Variants in RAB3GAP2 observed in about 807,000 individuals in gnomAD.
The protein encoded by RAB3GAP2 is RAB3 GTPase activating non-catalytic protein subunit 2, also known as rab3 GTPase-activating protein non-catalytic subunit.
RAB3GAP2 carries 87 observed loss-of-function variants against 185.3 expected under a neutral mutation model. The observed-to-expected ratio is 0.47, with a 90% CI of 0.39 to 0.56. The LOEUF (loss-of-function observed/expected upper bound fraction) is 0.56. RAB3GAP2 is among the 20% of genes least tolerant of loss of function. RAB3GAP2 has a pLI of 0.00. For synonymous variants in RAB3GAP2, 554 were observed against 576.1 expected (o/e 0.96, Z 0.55); for missense variants, 1,492 against 1,638.2 (o/e 0.91, Z 1.54).
At chr1:220,161,980 G>A (rs1273507740) in intron 28 of RAB3GAP2, among the ~76,000 whole-genome samples, 1 of 152,186 alleles carries the variant, frequency 6.6e-6, no homozygotes, top group Non-Finnish European at 1.5e-5. Flanking sequence ...CTTTAGTTAA[G>A]AGGCTTTTAT....
At chr1:220,254,021 T>C (rs1659987946) in intron 1 of RAB3GAP2, 1 of 1,613,940 alleles carries the variant, frequency 6.2e-7, no homozygotes, top group South Asian at 1.1e-5. Flanking sequence ...GAAACATTCA[T>C]GAACAGAGTT....
At position 220,213,960 on chromosome 1, in the gene RAB3GAP2, C is replaced by T; in HGVS notation, c.200G>A (p.Cys67Tyr). The change falls in exon 3 of 35, where the codon TGC (cysteine) becomes TAC (tyrosine). Residue 67 changes from cysteine (C) to tyrosine (Y), a missense_variant. Physicochemically the swap from Cys to Tyr is radical, Grantham distance 194 (BLOSUM62 -2). Around this residue, in one of 5 missense-constraint regions of RAB3GAP2, gnomAD observed 177 missense variants for 160.6 expected, o/e 1.10. Coordinates refer to ENST00000358951, the MANE Select transcript of RAB3GAP2 (RefSeq NM_012414.4). ...GAGCCAGGAAGTTTTTTGTGTTTTG[C>T]AAGTATTTCCTTCTTCTTCCTGTGG... ...PQEPEEEGNT[C>Y]KTQKTSWLQD... The T allele has an allele frequency of 6.2e-7, 1 of 1,613,190 alleles. No individual in the cohort carries two copies. The highest frequency in any genetic ancestry group is 1.1e-5 in the South Asian group (1 of 91,036).
At chr1:220,167,887 A>G (rs1448944911) in intron 24 of RAB3GAP2, among the ~76,000 whole-genome samples, 1 of 152,228 alleles carries the variant, frequency 6.6e-6, no homozygotes, top group Non-Finnish European at 1.5e-5. Flanking sequence ...ATGTCAGGGC[A>G]TCCTTATACT....
intron 1 of RAB3GAP2, among the ~76,000 whole-genome samples, chr1:220,249,684 C>G (rs557870044): frequency 6.6e-6 from 1 of 152,248 alleles, no homozygotes; most frequent in Admixed American, 6.5e-5. Flanking sequence ...GGCCCGGAGG[C>G]CTAGGAGGAA....
At chr1:220,214,008 T>C (rs771551322) in intron 2 of RAB3GAP2, 29 bp from the exon 3 acceptor site, 5 of 1,610,886 alleles carry the variant, frequency 3.1e-6, no homozygotes, top group Non-Finnish European at 3.4e-6. Context: ...TTACTGCATA[T>C]GCAAAAATAC....
intron 17 of RAB3GAP2, among the ~76,000 whole-genome samples, chr1:220,186,734 A>G (rs999072502): frequency 2.6e-5 from 4 of 152,186 alleles, no homozygotes; most frequent in African/African-American, 9.7e-5. Context: ...TATAAAATTC[A>G]CAGCTTCATA....
intron 1 of RAB3GAP2, among the ~76,000 whole-genome samples, chr1:220,244,186 C>G (rs1659755132): frequency 6.6e-6 from 1 of 152,202 alleles, no homozygotes. Context: ...GCCCCTGGAT[C>G]TGATAAGTGA....
intron 1 of RAB3GAP2, among the ~76,000 whole-genome samples, chr1:220,268,598 A>C (rs539346734): frequency 2.0e-5 from 3 of 152,348 alleles, no homozygotes; most frequent in African/African-American, 7.2e-5. Flanking sequence ...AAACCATCAT[A>C]AGTCTGAGAT....
At chr1:220,247,802 A>G (rs577474759) in intron 1 of RAB3GAP2, among the ~76,000 whole-genome samples, 39 of 152,356 alleles carry the variant, frequency 2.6e-4, no homozygotes, top group African/African-American at 8.2e-4. Flanking sequence ...CAATAGAGCA[A>G]AACAGCAATC....
At chr1:220,153,834 G>A in intron 32 of RAB3GAP2, 134 bp downstream of exon 32, 1 of 1,202,306 alleles carries the variant, frequency 8.3e-7, no homozygotes, top group Non-Finnish European at 1.1e-6. Flanking sequence ...TCCCACCTAT[G>A]AGTGAGAACA....
intron 1 of RAB3GAP2, among the ~76,000 whole-genome samples, chr1:220,248,342 G>A (rs1659857828): frequency 6.6e-6 from 1 of 152,036 alleles, no homozygotes; most frequent in African/African-American, 2.4e-5. Flanking sequence ...ATTAGCTAAG[G>A]GAGTAGATCT....
intron 6 of RAB3GAP2, 106 bp downstream of exon 6, chr1:220,210,695 C>T (rs752164363): frequency 3.2e-6 from 4 of 1,246,944 alleles, no homozygotes; most frequent in Non-Finnish European, 4.6e-6. Context: ...GAATCAACTA[C>T]ACATTTTCAG....
At chr1:220,240,119 CT>C (rs1465507436) in intron 1 of RAB3GAP2, among the ~76,000 whole-genome samples, 2 of 151,936 alleles carry the variant, frequency 1.3e-5, no homozygotes, top group Admixed American at 1.3e-4. Context: ...ATATTGCTTA[CT>C]GGAGAAATCT....
chr1:220,152,907 T>C (rs537543941), intron 33 of RAB3GAP2, among the ~76,000 whole-genome samples: 3 of 152,194 alleles, frequency 2.0e-5, no homozygotes, highest in Admixed American at 1.3e-4. Flanking sequence ...TTAGCATGCT[T>C]TTCTGCTCCT....
At chr1:220,190,867 C>T (rs1658603139) in intron 14 of RAB3GAP2, among the ~76,000 whole-genome samples, 1 of 152,078 alleles carries the variant, frequency 6.6e-6, no homozygotes, top group African/African-American at 2.4e-5. Flanking sequence ...ATTCAGCAGT[C>T]TATCATGGCA....
rs958442591 is a variant in RAB3GAP2 at position 220,167,800 on chromosome 1, C to G, written c.2807-125G>C. 2.9e-6 allele frequency: 3 copies of G among 1,023,436 alleles called. No individual in the cohort carries two copies. The African/African-American group carries it at 4.7e-5, about 16-fold the overall frequency. The allele number at this position is 1,023,436 out of a possible 1,614,324, so 63.4% of individuals were successfully genotyped here. A position where few individuals can be genotyped will look rare whatever the true frequency, so the allele number is the denominator to read the frequency against. On this transcript the variant is annotated intron_variant, in intron 24 of 34. Transcript: ENST00000358951. The stretch of plus-strand genomic sequence containing the variant: ...ATTCATTTCTCAGCCTGAAGCTGAC[C>G]CGAAAAAGCCATGAGATTTACAGCA...
intron 1 of RAB3GAP2, among the ~76,000 whole-genome samples, chr1:220,238,338 G>GT (rs2102894830): frequency 6.6e-6 from 1 of 152,328 alleles, no homozygotes; most frequent in South Asian, 2.1e-4. Flanking sequence ...CATGTGGCTA[G>GT]TGGCTACAGT....
intron 17 of RAB3GAP2, among the ~76,000 whole-genome samples, chr1:220,186,114 A>G (rs1480513414): frequency 6.6e-6 from 1 of 152,190 alleles, no homozygotes; most frequent in African/African-American, 2.4e-5. Context: ...TGTCATGTCA[A>G]TAACAAAAGC....
intron 2 of RAB3GAP2, among the ~76,000 whole-genome samples, chr1:220,218,974 C>CT (rs1362349235): frequency 6.6e-6 from 1 of 152,092 alleles, no homozygotes; most frequent in Non-Finnish European, 1.5e-5. Context: ...GACAATAACC[C>CT]AAACCAAATA....
Sources: gnomAD v4.1 joint callset for allele counts (sites outside exome capture counted in the v4.1 genomes callset) on GRCh38, gnomAD v4.1.1 for gene constraint, gnomAD v4.1.1 regional missense constraint, MANE v1.5 for transcripts, NCBI Gene and HGNC (gene_info 2026-07-23, HGNC 2026-07-21) for gene names.